Variants in TPX2 observed in about 807,000 individuals in gnomAD.
The protein encoded by TPX2 is TPX2 microtubule nucleation factor.
In TPX2, 21 loss-of-function variants were observed where a neutral mutation model predicts 93.6. That is an observed-to-expected ratio of 0.22 (90% CI 0.16 to 0.32). The LOEUF is 0.32. Among genes scored for constraint, TPX2 ranks in the 10% least tolerant of loss-of-function variants. The pLI is 1.00. For missense variants in TPX2, 776 were observed against 871.1 expected (o/e 0.89, Z 1.37); for synonymous variants, 281 against 298.3 (o/e 0.94, Z 0.60).
At chr20:31,745,384 C>T (rs771947111) in intron 2 of TPX2, among the ~76,000 whole-genome samples, 8 of 144,274 alleles carry the variant, frequency 5.5e-5, no homozygotes, top group Non-Finnish European at 1.0e-4. Flanking sequence ...GGCTGGAATA[C>T]AGTGGCACAA....
At chr20:31,740,613 C>A (rs1207168336) in intron 1 of TPX2, among the ~76,000 whole-genome samples, 1 of 152,170 alleles carries the variant, frequency 6.6e-6, no homozygotes, top group Non-Finnish European at 1.5e-5. Context: ...ATATGATGTA[C>A]TCAAACGTTT....
At chr20:31,789,084 T>C (rs1001775111) in intron 12 of TPX2, among the ~76,000 whole-genome samples, 1 of 152,112 alleles carries the variant, frequency 6.6e-6, no homozygotes, top group Non-Finnish European at 1.5e-5. Flanking sequence ...TAACCACATA[T>C]CACCTCTTTA....
chr20:31,800,806 C>T (rs983593779), intron 17 of TPX2, among the ~76,000 whole-genome samples, 164 bp from the exon 18 acceptor site: 47 of 152,334 alleles, frequency 3.1e-4, no homozygotes, highest in African/African-American at 1.1e-3. Context: ...ATACACTTTT[C>T]CATCATACCG....
intron 15 of TPX2, among the ~76,000 whole-genome samples, chr20:31,796,532 C>T (rs1478878483): frequency 2.0e-5 from 3 of 152,126 alleles, no homozygotes; most frequent in Admixed American, 6.6e-5. Flanking sequence ...TCTATAGGCT[C>T]CTCTCTTTGC....
intron 4 of TPX2, among the ~76,000 whole-genome samples, chr20:31,763,460 G>A (rs1233718625): frequency 6.6e-6 from 1 of 152,070 alleles, no homozygotes. Context: ...GATTACAGGC[G>A]TGAGCTACTG....
intron 10 of TPX2, among the ~76,000 whole-genome samples, chr20:31,781,348 C>T (rs1218246921): frequency 6.7e-6 from 1 of 148,538 alleles, no homozygotes; most frequent in Non-Finnish European, 1.5e-5. Context: ...TCACTGCATG[C>T]TCCGCCTTCC....
rs2062018477 is a variant in TPX2, at chr20:31,778,966, A to G, written c.1036A>G (p.Ser346Gly). 1.3e-6 allele frequency: 2 copies of G among 1,593,798 alleles called. No individual in the cohort carries two copies. The highest frequency in any genetic ancestry group is 1.8e-5 in the Admixed American group (1 of 54,200). ...KRTPNRYHLR[S>G]KKDDINLLPS... is the part of the protein sequence containing the mutation. Reference sequence around the variant, plus strand: ...AACCCCTAACAGATATCATTTGAGGAGCAAGAAGGATGATATTAGTAAGTT... The same window carrying G: ...AACCCCTAACAGATATCATTTGAGGGGCAAGAAGGATGATATTAGTAAGTT... Residue 346 changes from serine to glycine, a missense_variant, in exon 10 of 18, where the codon AGC (serine) becomes GGC (glycine). Physicochemically the swap from Ser to Gly is moderately conservative, Grantham distance 56. Around this residue, in one of 3 missense-constraint regions of TPX2, gnomAD observed 461 missense variants for 551.2 expected, o/e 0.84. Coordinates refer to ENST00000300403, the MANE Select transcript of TPX2 (RefSeq NM_012112.5).
chr20:31,741,704 C>T (rs1262634794), intron 1 of TPX2, among the ~76,000 whole-genome samples: 4 of 152,150 alleles, frequency 2.6e-5, no homozygotes, highest in African/African-American at 7.2e-5. Flanking sequence ...TGGTCTCAAT[C>T]TCCTGACCTC....
chr20:31,794,790 G>A (rs1397489758), intron 15 of TPX2, among the ~76,000 whole-genome samples: 3 of 150,360 alleles, frequency 2.0e-5, no homozygotes, highest in South Asian at 2.1e-4. Flanking sequence ...GTGTGTGTGT[G>A]TATGTGTGTG....
intron 7 of TPX2, among the ~76,000 whole-genome samples, chr20:31,774,379 T>C (rs898126425): frequency 6.6e-5 from 10 of 152,264 alleles, no homozygotes; most frequent in Non-Finnish European, 1.5e-4. Context: ...TAAACATTTT[T>C]CCATATTTCC....
At chr20:31,785,337 TACA>T (rs978206283) in intron 12 of TPX2, among the ~76,000 whole-genome samples, 2 of 152,164 alleles carry the variant, frequency 1.3e-5, no homozygotes, top group Admixed American at 6.5e-5. Flanking sequence ...GTGTTGTGAA[TACA>T]ACAAGGGAAA....
chr20:31,786,059 A>C (rs986695791), intron 12 of TPX2, among the ~76,000 whole-genome samples: 39 of 152,342 alleles, frequency 2.6e-4, no homozygotes, highest in African/African-American at 9.4e-4. Flanking sequence ...TGCTTATTAC[A>C]TGCCAGGTCT....
chr20:31,784,835 T>G (rs1355140295), intron 12 of TPX2, among the ~76,000 whole-genome samples: 1 of 152,200 alleles, frequency 6.6e-6, no homozygotes, highest in African/African-American at 2.4e-5. Flanking sequence ...CCTGCATAAA[T>G]GCGAAAGCGG....
chr20:31,791,790 T>C (rs567536210), intron 12 of TPX2, among the ~76,000 whole-genome samples: 1 of 152,310 alleles, frequency 6.6e-6, no homozygotes, highest in Admixed American at 6.5e-5. Context: ...GGGCAGGATG[T>C]GGACACGAGT....
intron 4 of TPX2, among the ~76,000 whole-genome samples, chr20:31,762,189 A>G (rs1276397886): frequency 1.3e-5 from 2 of 151,886 alleles, no homozygotes; most frequent in Non-Finnish European, 2.9e-5. Context: ...TTGTCTCTTC[A>G]CTCTGTTGAT....
chr20:31,750,094 T>A (rs960909959), intron 2 of TPX2, among the ~76,000 whole-genome samples: 9 of 148,728 alleles, frequency 6.1e-5, no homozygotes, highest in Non-Finnish European at 1.0e-4. Flanking sequence ...CATGCCACGA[T>A]GCCCAGCTAA....
rs747753595 is a variant in TPX2, at chr20:31,800,988, A to G, written c.2152A>G (p.Ile718Val). Reference sequence around the variant, plus strand: ...TTTGCAGGTGCATAAGGCAAATCCAATACGCAAGTACCAGGGTCTGGAGAT... The same window carrying G: ...TTTGCAGGTGCATAAGGCAAATCCAGTACGCAAGTACCAGGGTCTGGAGAT... ...RRELVHKANP[I>V]RKYQGLEIKS... Residue 718 changes from isoleucine to valine, a missense_variant, in exon 18 of 18, where the codon ATA becomes GTA. By Grantham distance (29) the Ile-to-Val change is conservative (BLOSUM62 3). Around this residue, in one of 3 missense-constraint regions of TPX2, gnomAD observed 461 missense variants for 551.2 expected, o/e 0.84. Transcript: ENST00000300403. The G allele has an allele frequency of 3.7e-6, 6 of 1,614,188 alleles. No homozygotes were observed. Among genetic ancestry groups the G allele is most frequent in the South Asian group, 3.3e-5 (3 of 91,086 alleles).
At chr20:31,745,701 T>C (rs2061780180) in intron 2 of TPX2, among the ~76,000 whole-genome samples, 1 of 152,210 alleles carries the variant, frequency 6.6e-6, no homozygotes, top group Non-Finnish European at 1.5e-5. Flanking sequence ...GGAATAAATC[T>C]CTATAAAATG....
intron 2 of TPX2, among the ~76,000 whole-genome samples, chr20:31,748,756 C>T (rs1161542294): frequency 1.3e-5 from 2 of 152,042 alleles, no homozygotes; most frequent in Non-Finnish European, 2.9e-5. Context: ...GAGCTTGTTT[C>T]CTTGTTTATA....
Sources: allele counts gnomAD v4.1 joint callset (sites outside exome capture counted in the v4.1 genomes callset), GRCh38; gene constraint gnomAD v4.1.1; regional missense constraint gnomAD v4.1.1; transcripts MANE v1.5; gene names NCBI Gene and HGNC (gene_info 2026-07-23, HGNC 2026-07-21).